The following GNB2 variants were observed in gnomAD, a reference collection of about 807,000 sequenced individuals.
GNB2 encodes G protein subunit beta 2.
A neutral mutation model predicts 40.7 loss-of-function variants in GNB2; 7 were observed. The observed-to-expected ratio is 0.17, with a 90% CI of 0.10 to 0.32. The LOEUF is 0.32. Ranked by LOEUF, GNB2 falls within the 10% of genes least tolerant of loss-of-function variation. The probability of loss-of-function intolerance (pLI) is 1.00; values close to 1 mark genes in which losing one functional copy is unlikely to be tolerated. For synonymous variants in GNB2, 254 were observed against 191.2 expected, an observed-to-expected ratio of 1.33 and a Z score of -2.71; for missense variants, 286 against 473.0, an observed-to-expected ratio of 0.60 and a Z score of 3.67.
rs75555120 is a variant in GNB2 at position 100,677,681 on chromosome 7, C to A, written c.430+21C>A. 32 of 1,612,934 alleles carry A rather than the reference C, an allele frequency of 2.0e-5. No individual in the cohort carries two copies. The Admixed American group carries it at 5.3e-4, about 27-fold the overall frequency. On this transcript the variant is annotated intron_variant, in intron 6 of 9. Transcript: ENST00000303210. Reference sequence around the variant, plus strand: ...CACTGGTGAGGGGCCTGGCCCAGTTCGGGCCCTTTTTGGGGTTGGGGGGTG... The same window carrying A: ...CACTGGTGAGGGGCCTGGCCCAGTTAGGGCCCTTTTTGGGGTTGGGGGGTG...
Position 100,676,292 on chromosome 7 carries a change from G to T in GNB2, c.27G>T (p.Gln9His). Residue 9 changes from glutamine (Q) to histidine (H), a missense_variant, in exon 2 of 10, where the codon CAG becomes CAT. By Grantham distance (24) the Gln-to-His change is conservative. Coordinates refer to ENST00000303210, the MANE Select transcript of GNB2 (RefSeq NM_005273.4). MSELEQLR[Q>H]EAEQLRNQIR... The stretch of plus-strand genomic sequence containing the variant: ...TGAGTGAGCTGGAGCAACTGAGACA[G>T]GAGGCCGAGCAGCTCCGGAACCAGA... 1.2e-6 allele frequency: 2 copies of T among 1,608,574 alleles called. No individual in the cohort carries two copies. Among genetic ancestry groups the T allele is most frequent in the Non-Finnish European group, 1.7e-6 (2 of 1,178,088 alleles).
At position 100,677,480 on chromosome 7, in the gene GNB2, G is replaced by T; in HGVS notation, c.268-18G>T. ...GGCCCTGGCTGGCTCTGACCCCGGC[G>T]CTTCCCCTGCTCCGCAGGTCCACGC... On this transcript the variant is annotated intron_variant, in intron 5 of 9. Coordinates refer to ENST00000303210, the MANE Select transcript of GNB2 (RefSeq NM_005273.4). 6.2e-7 allele frequency: 1 copy of T among 1,613,024 alleles called. No homozygotes were observed. The highest frequency in any genetic ancestry group is 1.1e-5 in the South Asian group (1 of 91,054).
In GNB2 at chr7:100,678,047, CTG is replaced by C. The variant is rs771248426; in HGVS notation, c.498-49_498-48del. On this transcript the variant is annotated intron_variant, in intron 7 of 9. Coordinates refer to ENST00000303210, the MANE Select transcript of GNB2 (RefSeq NM_005273.4). ...TGGTGGGGCGGGGAGAACAGGGACT[CTG>C]TTCTTCGCCCTGTCTCTTATCTTTT... The C allele has an allele frequency of 8.3e-6, 12 of 1,450,698 alleles. No homozygotes were observed. In the South Asian group the frequency reaches 1.3e-4, roughly 15 times the overall value. 89.9% of individuals were successfully genotyped at this position (1,450,698 alleles called of 1,614,324 possible). A position where few individuals can be genotyped will look rare whatever the true frequency, so the allele number is the denominator to read the frequency against.
Position 100,677,595 on chromosome 7 carries a change from C to T in GNB2, c.365C>T (p.Ser122Phe). The change falls in exon 6 of 10, where the codon TCC becomes TTC. Residue 122 changes from serine to phenylalanine, a missense_variant. Transcript: ENST00000303210. Reference protein sequence around the residue: ...VACGGLDNICSIYSLKTREGN... With the variant: ...VACGGLDNICFIYSLKTREGN... ...TGTGGGGGGTTGGACAACATCTGCT[C>T]CATCTACAGCCTCAAGACCCGCGAG... 1 of 1,613,428 alleles carries T rather than the reference C, an allele frequency of 6.2e-7. No homozygotes were observed. Among genetic ancestry groups the T allele is most frequent in the Non-Finnish European group, 8.5e-7 (1 of 1,180,018 alleles).
chr7:100,678,370 C>T lies in GNB2; in HGVS notation c.700-28C>T. On this transcript the variant is annotated intron_variant, in intron 8 of 9. Transcript: ENST00000303210. Reference sequence around the variant, plus strand: ...CGGCCCTGCTCCTCACCCTCACCCTCACCCCATCTGGGTCCCGTGTCCTGC... The same window carrying T: ...CGGCCCTGCTCCTCACCCTCACCCTTACCCCATCTGGGTCCCGTGTCCTGC... 6.9e-6 allele frequency: 11 copies of T among 1,604,230 alleles called. 2 individuals are homozygous for T. In the Middle Eastern group the frequency reaches 1.8e-3, roughly 266 times the overall value.
Position 100,678,579 on chromosome 7 carries a change from G to A in GNB2, c.881G>A (p.Cys294Tyr), listed in dbSNP as rs1268605271. 1 of 1,613,704 alleles carries A rather than the reference G, an allele frequency of 6.2e-7. No homozygotes were observed. The highest frequency in any genetic ancestry group is 1.7e-5 in the Admixed American group (1 of 60,010). Residue 294 changes from cysteine (C) to tyrosine (Y), a missense_variant, in exon 9 of 10, where the codon TGC becomes TAC. Cys to Tyr is a radical substitution (Grantham distance 194, BLOSUM62 -2). Coordinates refer to ENST00000303210, the MANE Select transcript of GNB2 (RefSeq NM_005273.4). ...CTCGCTGGCTACGACGACTTCAACT[G>A]CAACATCTGGGATGCCATGAAGGGC... ...LLLAGYDDFN[C>Y]NIWDAMKGDR... is the part of the protein sequence containing the mutation.
intron 1 of GNB2, chr7:100,675,320 C>CGGCGG (rs1804325210): frequency 6.6e-6 from 1 of 151,988 alleles, no homozygotes; most frequent in South Asian, 2.1e-4. Flanking sequence ...TCTGCGGGCG[C>CGGCGG]GGCGGGGCGG....
At chr7:100,676,397 TGGTGGG>T in intron 2 of GNB2, 75 bp downstream of exon 2, 6 of 1,298,416 alleles carry the variant, frequency 4.6e-6, no homozygotes, top group Admixed American at 1.8e-5. Context: ...GTGAGGGTGT[TGGTGGG>T]GGAAGGGGGA....
In GNB2 at chr7:100,678,607, C is replaced by T; in HGVS notation, c.909C>T (p.Asp303=). The T allele has an allele frequency of 6.2e-7, 1 of 1,613,340 alleles. No individual in the cohort carries two copies. The highest frequency in any genetic ancestry group is 8.5e-7 in the Non-Finnish European group (1 of 1,179,560). ...ACATCTGGGATGCCATGAAGGGCGACCGTGCAGGTGACAGCTGGGGCCCAG... is the reference window on the plus strand; with the variant it reads ...ACATCTGGGATGCCATGAAGGGCGATCGTGCAGGTGACAGCTGGGGCCCAG... ...NCNIWDAMKG[D]RAGVLAGHDN... The change falls in exon 9 of 10, where the codon GAC becomes GAT. Residue 303 remains aspartate (D), a synonymous_variant. Coordinates refer to ENST00000303210, the MANE Select transcript of GNB2 (RefSeq NM_005273.4).
At chr7:100,677,319 C>T (rs764056421) in intron 4 of GNB2, 33 bp from the exon 5 acceptor site, 2 of 1,583,012 alleles carry the variant, frequency 1.3e-6, no homozygotes, top group Non-Finnish European at 1.7e-6. Context: ...TTTCACGCCA[C>T]CCTTCTGCTC....
chr7:100,676,117 C>T (rs1804340909), intron 1 of GNB2, 60 bp from the exon 2 acceptor site: 1 of 558,370 alleles, frequency 1.8e-6, no homozygotes. Context: ...CGCTGCAACC[C>T]CGCCTTTCTC....
chr7:100,677,977 T>A, intron 7 of GNB2, 121 bp from the exon 8 acceptor site: 1 of 1,032,634 alleles, frequency 9.7e-7, no homozygotes, highest in Non-Finnish European at 1.5e-6. Flanking sequence ...CACCTAAGGC[T>A]CTGAGAAGAG....
chr7:100,677,686 C>G, intron 6 of GNB2, 26 bp downstream of exon 6: 1 of 1,613,118 alleles, frequency 6.2e-7, no homozygotes, highest in Non-Finnish European at 8.5e-7. Context: ...CAGTTCGGGC[C>G]CTTTTTGGGG....
chr7:100,679,083 CA>C lies in GNB2; in HGVS notation c.*283del. ...GGCCGGAGGCAGGAGGTGGAAACCC[CA>C]GGGGCTGGCTTTTTTAAAACTGGTT... On this transcript the variant is annotated 3_prime_UTR_variant, in exon 10 of 10. Coordinates refer to ENST00000303210, the MANE Select transcript of GNB2 (RefSeq NM_005273.4). 1 of 412,764 alleles carries C rather than the reference CA, an allele frequency of 2.4e-6. No individual in the cohort carries two copies. The highest frequency in any genetic ancestry group is 7.3e-5 in the South Asian group (1 of 13,652). 25.6% of individuals were successfully genotyped at this position (412,764 alleles called of 1,614,324 possible).
rs1215251743 is a variant in GNB2, at chr7:100,677,480, G to A, written c.268-18G>A. On this transcript the variant is annotated intron_variant, in intron 5 of 9. Transcript: ENST00000303210. ...GGCCCTGGCTGGCTCTGACCCCGGC[G>A]CTTCCCCTGCTCCGCAGGTCCACGC... 5 of 1,612,906 alleles carry A rather than the reference G, an allele frequency of 3.1e-6. No homozygotes were observed. Among genetic ancestry groups the A allele is most frequent in the Non-Finnish European group, 3.4e-6 (4 of 1,179,726 alleles).
In GNB2 at chr7:100,676,442, G is replaced by A. The variant is rs1804349061; in HGVS notation, c.58-93G>A. On this transcript the variant is annotated intron_variant, in intron 2 of 9. Coordinates refer to ENST00000303210, the MANE Select transcript of GNB2 (RefSeq NM_005273.4). ...AGGGCCCCTTAATGGCTCAGAATCT[G>A]ACCCTGTCCACTCCTGTCTTCTGTT... 5.3e-6 allele frequency: 7 copies of A among 1,318,006 alleles called. No homozygotes were observed. In the Admixed American group the frequency reaches 6.8e-5, roughly 13 times the overall value. The allele number at this position is 1,318,006 out of a possible 1,614,324, so 81.6% of individuals were successfully genotyped here.
chr7:100,677,226 G>A, intron 4 of GNB2, 126 bp from the exon 5 acceptor site: 4 of 716,802 alleles, frequency 5.6e-6, no homozygotes, highest in South Asian at 1.6e-5. Flanking sequence ...GCAGTGAGCT[G>A]TGATGGTGCC....
rs779406494 is a variant in GNB2, at chr7:100,676,815, C to A, written c.203+16C>A. ...CCGACTCAAGGTGTGTGTGTGTGCGCGGGCTGGCGCTGTGGGCCGACTTTC... is the reference window on the plus strand; with the variant it reads ...CCGACTCAAGGTGTGTGTGTGTGCGAGGGCTGGCGCTGTGGGCCGACTTTC... On this transcript the variant is annotated intron_variant, in intron 4 of 9. Coordinates refer to ENST00000303210, the MANE Select transcript of GNB2 (RefSeq NM_005273.4). 4 of 1,445,742 alleles carry A rather than the reference C, an allele frequency of 2.8e-6. No individual in the cohort carries two copies. The highest frequency in any genetic ancestry group is 4.8e-5 in the East Asian group (2 of 41,922). 89.6% of individuals were successfully genotyped at this position (1,445,742 alleles called of 1,614,324 possible).
chr7:100,678,021 G>A (rs1006434862), intron 7 of GNB2, 77 bp from the exon 8 acceptor site: 10 of 1,289,370 alleles, frequency 7.8e-6, no homozygotes, highest in South Asian at 1.2e-5. Flanking sequence ...TTGGGCTCAC[G>A]TGGTGGGGCG....
Sources: gnomAD v4.1 joint callset for allele counts on GRCh38, gnomAD v4.1.1 for gene constraint, MANE v1.5 for transcripts, NCBI Gene and HGNC (gene_info 2026-07-23, HGNC 2026-07-21) for gene names.